MAP7: variants seen among roughly 807,000 people sequenced by gnomAD.
The protein encoded by MAP7 is ensconsin.
In MAP7, 52 loss-of-function variants were observed where a neutral mutation model predicts 94.8. The ratio of observed to expected loss-of-function variants is 0.55; its 90% CI spans 0.44 to 0.69. The LOEUF is 0.69. Ranked by LOEUF, MAP7 falls within the 30% of genes least tolerant of loss-of-function variation. The pLI is 0.00. For missense variants in MAP7, 940 were observed against 964.6 expected (o/e 0.97, Z 0.34); for synonymous variants, 350 against 357.0 (o/e 0.98, Z 0.22).
At chr6:136,354,093 C>A (rs1790052015) in intron 16 of MAP7, among the ~76,000 whole-genome samples, 1 of 137,802 alleles carries the variant, frequency 7.3e-6, no homozygotes, top group Non-Finnish European at 1.5e-5. Flanking sequence ...ATACAAGTAA[C>A]TCTGGGAATC....
intron 1 of MAP7, among the ~76,000 whole-genome samples, chr6:136,478,057 C>A (rs981992732): frequency 6.6e-6 from 1 of 152,080 alleles, no homozygotes; most frequent in South Asian, 2.1e-4. Flanking sequence ...TCTTGAATGA[C>A]CAGTGGGTCA....
At chr6:136,511,499 A>G (rs779696638) in intron 1 of MAP7, among the ~76,000 whole-genome samples, 1 of 137,666 alleles carries the variant, frequency 7.3e-6, no homozygotes, top group Non-Finnish European at 1.5e-5. Flanking sequence ...CTTAAAAAAA[A>G]AGGCAGTGCA....
In MAP7 at chr6:136,473,035, C is replaced by T. The variant is rs374892521; in HGVS notation, c.68-51236G>A. Among the ~76,000 whole-genome samples, 3 of 152,040 alleles carry T rather than the reference C, an allele frequency of 2.0e-5. No homozygotes were observed. The South Asian group carries it at 6.2e-4, about 31-fold the overall frequency. On this transcript the variant is annotated intron_variant, in intron 1 of 17. Coordinates refer to ENST00000354570, the MANE Select transcript of MAP7 (RefSeq NM_003980.6). ...TGCACTTGCTATTCCTTTAATATGC[C>T]TCATGATTTCCTTCTCTATTTCCTT...
intron 4 of MAP7, 129 bp from the exon 5 acceptor site, chr6:136,388,639 C>CTTCT: frequency 1.4e-6 from 1 of 707,546 alleles, no homozygotes; most frequent in Non-Finnish European, 2.4e-6. Flanking sequence ...TCTAGCTGAA[C>CTTCT]TTCTATACCA....
At chr6:136,427,496 T>C (rs1223323754) in intron 1 of MAP7, among the ~76,000 whole-genome samples, 2 of 152,220 alleles carry the variant, frequency 1.3e-5, no homozygotes, top group Non-Finnish European at 2.9e-5. Flanking sequence ...TCATTTGCTC[T>C]TCTATACACA....
chr6:136,404,792 GCT>G (rs1562361829), intron 3 of MAP7, among the ~76,000 whole-genome samples: 1 of 152,252 alleles, frequency 6.6e-6, no homozygotes, highest in East Asian at 1.9e-4. Context: ...AAAAAGGGAA[GCT>G]CTGTGTCTGC....
chr6:136,389,628 C>A (rs1780146951), intron 3 of MAP7, 111 bp from the exon 4 acceptor site: 1 of 960,436 alleles, frequency 1.0e-6, no homozygotes, highest in Non-Finnish European at 1.5e-6. Context: ...AATATGGGTT[C>A]TTTAGTTTTG....
intron 2 of MAP7, among the ~76,000 whole-genome samples, chr6:136,416,613 C>T (rs1388496282): frequency 6.6e-6 from 1 of 152,124 alleles, no homozygotes; most frequent in Non-Finnish European, 1.5e-5. Context: ...CAAGACCAGC[C>T]TGGGCAACAT....
intron 1 of MAP7, among the ~76,000 whole-genome samples, chr6:136,517,502 A>T (rs73777919): frequency 0.033 from 4,988 of 152,324 alleles, 268 homozygotes; most frequent in African/African-American, 0.11. Context: ...ATTGTCACAT[A>T]ATCAGCTCCA....
At chr6:136,453,770 C>T (rs1000392970) in intron 1 of MAP7, among the ~76,000 whole-genome samples, 6 of 152,168 alleles carry the variant, frequency 3.9e-5, no homozygotes, top group African/African-American at 1.4e-4. Flanking sequence ...GTAAATATTA[C>T]TGTTATAATT....
intron 1 of MAP7, among the ~76,000 whole-genome samples, chr6:136,441,988 G>A (rs1487451971): frequency 6.6e-6 from 1 of 152,090 alleles, no homozygotes; most frequent in Admixed American, 6.5e-5. Flanking sequence ...ACTCCAGCCT[G>A]GGTGACACAG....
intron 1 of MAP7, among the ~76,000 whole-genome samples, chr6:136,518,919 A>T (rs1368430610): frequency 1.3e-5 from 2 of 152,196 alleles, no homozygotes; most frequent in African/African-American, 2.4e-5. Context: ...AGCTCTGGAA[A>T]CAGGCACACA....
At chr6:136,408,057 A>C (rs1364482681) in intron 3 of MAP7, among the ~76,000 whole-genome samples, 1 of 152,162 alleles carries the variant, frequency 6.6e-6, no homozygotes, top group East Asian at 1.9e-4. Context: ...ATATTTAAAA[A>C]GGAGAGTGAA....
At chr6:136,401,755 A>G (rs1222374079) in intron 3 of MAP7, among the ~76,000 whole-genome samples, 1 of 152,008 alleles carries the variant, frequency 6.6e-6, no homozygotes, top group Non-Finnish European at 1.5e-5. Context: ...CGTTGTGCAC[A>G]TGTACCCAAG....
At chr6:136,395,841 C>T (rs183650966) in intron 3 of MAP7, among the ~76,000 whole-genome samples, 24 of 152,178 alleles carry the variant, frequency 1.6e-4, no homozygotes, top group Non-Finnish European at 3.1e-4. Context: ...GTTCTTGGTA[C>T]CTTTGTTGAA....
intron 15 of MAP7, 107 bp from the exon 16 acceptor site, chr6:136,356,901 A>C: frequency 1.2e-6 from 1 of 826,150 alleles, no homozygotes; most frequent in South Asian, 1.6e-5. Context: ...CTGCTACTTA[A>C]GTGATGTGAG....
intron 7 of MAP7, among the ~76,000 whole-genome samples, chr6:136,375,437 G>A (rs533493204): frequency 2.6e-5 from 4 of 152,270 alleles, no homozygotes; most frequent in African/African-American, 9.6e-5. Context: ...TGTTTAATCT[G>A]CTGATGTAAC....
At position 136,360,834 on chromosome 6, in the gene MAP7, C is replaced by G. The variant is rs199932136; in HGVS notation, c.1702-36G>C. The G allele has an allele frequency of 1.2e-3, 1,934 of 1,606,322 alleles. 5 individuals carry two copies. The highest frequency in any genetic ancestry group is 1.5e-3 in the Non-Finnish European group (1,714 of 1,175,674). ...AAGGTCGGCGTCTGCCTCTGACAAA[C>G]AGGCGGGCTGCCCGGGTCTCCCAGG... is the stretch of plus-strand genomic sequence containing the variant. On this transcript the variant is annotated intron_variant, in intron 12 of 17. Coordinates refer to ENST00000354570, the MANE Select transcript of MAP7 (RefSeq NM_003980.6).
intron 1 of MAP7, among the ~76,000 whole-genome samples, chr6:136,531,787 G>T (rs1562491716): frequency 6.6e-6 from 1 of 152,122 alleles, no homozygotes; most frequent in Non-Finnish European, 1.5e-5. Flanking sequence ...CCATAGGCTT[G>T]AACGTGAATA....
Sources: gnomAD v4.1 joint callset for allele counts (sites outside exome capture counted in the v4.1 genomes callset) on GRCh38, gnomAD v4.1.1 for gene constraint, MANE v1.5 for transcripts, NCBI Gene and HGNC (gene_info 2026-07-23, HGNC 2026-07-21) for gene names.